Variants in SLC35D4 observed in about 807,000 individuals in gnomAD.
SLC35D4 encodes solute carrier family 35 member D4, also known as UDP-N-acetylglucosamine transporter SLC35D4.
At chr18:23,299,099 T>C in the SLC35D4 span, among the ~76,000 whole-genome samples, 1 of 152,358 alleles carries the variant, frequency 6.6e-6, no homozygotes, top group Non-Finnish European at 1.5e-5. Flanking sequence ...AGTGAGAATA[T>C]AAAAACCATA....
the SLC35D4 span, among the ~76,000 whole-genome samples, chr18:23,419,965 T>C: frequency 6.6e-6 from 1 of 152,176 alleles, no homozygotes; most frequent in African/African-American, 2.4e-5. Context: ...TATACATATA[T>C]ACATGTACAG....
chr18:23,355,388 CA>C, the SLC35D4 span, among the ~76,000 whole-genome samples: 1 of 152,076 alleles, frequency 6.6e-6, no homozygotes, highest in African/African-American at 2.4e-5. Context: ...CCCATGCTGC[CA>C]AATAACCAGA....
the SLC35D4 span, among the ~76,000 whole-genome samples, chr18:23,256,960 C>CCATGT: frequency 6.6e-6 from 1 of 152,144 alleles, no homozygotes; most frequent in Admixed American, 6.5e-5. Flanking sequence ...GGAGCATGAA[C>CCATGT]CATGTCATAT....
the SLC35D4 span, chr18:23,376,814 C>T: frequency 2.2e-6 from 1 of 456,496 alleles, no homozygotes; most frequent in Non-Finnish European, 4.4e-6. Context: ...CCCCACCTGG[C>T]CTCAAGCAGT....
the SLC35D4 span, among the ~76,000 whole-genome samples, chr18:23,415,260 A>T: frequency 2.0e-5 from 3 of 152,196 alleles, no homozygotes; most frequent in African/African-American, 7.2e-5. Context: ...CAGACTCTTG[A>T]TGAAAAATTA....
At chr18:23,342,941 GA>G in the SLC35D4 span, among the ~76,000 whole-genome samples, 1 of 132,892 alleles carries the variant, frequency 7.5e-6, no homozygotes, top group Non-Finnish European at 1.7e-5. Context: ...TTTTTTTTTT[GA>G]AATGGAGTCT....
At chr18:23,304,431 TATA>T in the SLC35D4 span, among the ~76,000 whole-genome samples, 2 of 147,726 alleles carry the variant, frequency 1.4e-5, no homozygotes, top group Non-Finnish European at 3.0e-5. Flanking sequence ...TAAAATGTAA[TATA>T]ATAAAATATA....
At chr18:23,326,628 T>C in the SLC35D4 span, among the ~76,000 whole-genome samples, 7 of 152,210 alleles carry the variant, frequency 4.6e-5, no homozygotes, top group South Asian at 1.5e-3. Context: ...CCACTGTCAA[T>C]ATTAAACAGA....
chr18:23,418,383 A>ATTATTT, the SLC35D4 span, among the ~76,000 whole-genome samples: 10 of 146,428 alleles, frequency 6.8e-5, no homozygotes, highest in African/African-American at 1.8e-4. Context: ...TATTATTATT[A>ATTATTT]TTTTTTGAGA....
the SLC35D4 span, among the ~76,000 whole-genome samples, chr18:23,396,941 T>C: frequency 6.6e-6 from 1 of 151,526 alleles, no homozygotes; most frequent in African/African-American, 2.4e-5. Flanking sequence ...TAACAAAGAA[T>C]TCAAAGACCA....
the SLC35D4 span, chr18:23,399,506 G>A: frequency 6.6e-7 from 1 of 1,509,908 alleles, no homozygotes; most frequent in Non-Finnish European, 9.2e-7. Flanking sequence ...GGCATGATAA[G>A]TTAAAAGGCA....
the SLC35D4 span, among the ~76,000 whole-genome samples, chr18:23,304,805 AG>A: frequency 9.8e-3 from 1,487 of 152,290 alleles, 17 homozygotes; most frequent in Non-Finnish European, 0.013. Context: ...AGAGGGGTCC[AG>A]TCCTCTTCCA....
chr18:23,330,271 G>A, the SLC35D4 span, among the ~76,000 whole-genome samples: 25 of 152,194 alleles, frequency 1.6e-4, no homozygotes, highest in South Asian at 5.0e-3. Context: ...CCTCAGGAAT[G>A]TGTGTATAAA....
At chr18:23,421,279 C>T in the SLC35D4 span, 22 of 1,068,780 alleles carry the variant, frequency 2.1e-5, no homozygotes, top group Admixed American at 4.2e-5. Context: ...AACCTCTGTG[C>T]TTCCAGTGTA....
At chr18:23,249,816 T>G in the SLC35D4 span, among the ~76,000 whole-genome samples, 2,007 of 152,100 alleles carry the variant, frequency 0.013, 36 homozygotes, top group African/African-American at 0.044. Flanking sequence ...AGAGCCCTTG[T>G]CTAGGGAGCT....
chr18:23,274,707 C>T, the SLC35D4 span, among the ~76,000 whole-genome samples: 1 of 152,198 alleles, frequency 6.6e-6, no homozygotes, highest in Non-Finnish European at 1.5e-5. Flanking sequence ...GTGCTGTGTC[C>T]AGTGCACGCA....
chr18:23,252,949 G>C, the SLC35D4 span: 2 of 1,574,368 alleles, frequency 1.3e-6, no homozygotes, highest in South Asian at 1.1e-5. Flanking sequence ...GTGTTCCCCT[G>C]TCTGTTACAG....
the SLC35D4 span, chr18:23,258,160 G>A: frequency 6.6e-6 from 1 of 152,568 alleles, no homozygotes; most frequent in East Asian, 1.9e-4. Context: ...AGGACGTGGA[G>A]CGTGGCGCTC....
the SLC35D4 span, chr18:23,437,821 G>T: frequency 6.2e-7 from 1 of 1,613,136 alleles, no homozygotes; most frequent in South Asian, 1.1e-5. Flanking sequence ...GGTACAAAAG[G>T]TGAGGCCGAC....
Sources: allele counts gnomAD v4.1 joint callset (sites outside exome capture counted in the v4.1 genomes callset), GRCh38; gene constraint gnomAD v4.1.1; transcripts MANE v1.5; gene names NCBI Gene and HGNC (gene_info 2026-07-23, HGNC 2026-07-21).